The following LYST variants were observed in gnomAD, a reference collection of about 807,000 sequenced individuals.
The protein encoded by LYST is lysosomal-trafficking regulator.
Under a neutral mutation model 413.6 loss-of-function variants are expected in LYST, and 192 were observed. The ratio of observed to expected loss-of-function variants is 0.46; its 90% CI spans 0.41 to 0.52. LYST has a LOEUF of 0.52. Among genes scored for constraint, LYST ranks in the 20% least tolerant of loss-of-function variants. The pLI is 0.00. For synonymous variants in LYST, 1,525 were observed against 1,567.3 expected, an observed-to-expected ratio of 0.97 and a Z score of 0.64; for missense variants, 3,815 against 4,499.9, an observed-to-expected ratio of 0.85 and a Z score of 4.35.
chr1:235,719,469 T>G (rs1237559624), intron 40 of LYST, among the ~76,000 whole-genome samples: 3 of 152,086 alleles, frequency 2.0e-5, no homozygotes, highest in Admixed American at 6.6e-5. Context: ...AGTGAAATAA[T>G]TGATTCAAGC....
intron 19 of LYST, among the ~76,000 whole-genome samples, chr1:235,771,917 G>GTTTTTTTTTTT (rs1215590592): frequency 2.5e-4 from 18 of 72,706 alleles, no homozygotes; most frequent in Non-Finnish European, 2.8e-4. Context: ...TTTTTAGTTT[G>GTTTTTTTTTTT]TTTTTTTTTT....
intron 1 of LYST, among the ~76,000 whole-genome samples, chr1:235,851,402 G>C (rs1678520570): frequency 6.6e-6 from 1 of 150,542 alleles, no homozygotes; most frequent in Admixed American, 6.6e-5. Flanking sequence ...GGACTTGGGG[G>C]GAAGAGTGGG....
rs201694319 is a variant in LYST at position 235,712,144 on chromosome 1, G to A, written c.9838C>T (p.Arg3280Ter). Residue 3280 changes from arginine to a stop codon, truncating the protein, a stop_gained, in exon 43 of 53, where the codon CGA becomes TGA. Transcript: ENST00000389793. LOFTEE classifies it high-confidence loss of function. ...GTCATAGATTCAAAAGATGAGAGTC[G>A]CCAAGTTGTATTTGTAGAATGAAAA... ...RTFHSTNTTWRLSSFESMTDV... is the reference protein window; with the variant it reads ...RTFHSTNTTW The A allele has an allele frequency of 3.8e-6, 6 of 1,579,478 alleles. No individual in the cohort carries two copies. The highest frequency in any genetic ancestry group is 1.3e-5 in the African/African-American group (1 of 74,158).
chr1:235,708,421 G>C (rs1038257997), intron 44 of LYST, among the ~76,000 whole-genome samples: 6 of 152,164 alleles, frequency 3.9e-5, no homozygotes, highest in African/African-American at 1.2e-4. Flanking sequence ...CTCTGGAAAG[G>C]CCTGCTTGCA....
chr1:235,821,758 G>T (rs1473915111), intron 3 of LYST, among the ~76,000 whole-genome samples: 1 of 152,200 alleles, frequency 6.6e-6, no homozygotes, highest in Non-Finnish European at 1.5e-5. Context: ...CTTGTACATT[G>T]TACAAAACAA....
chr1:235,695,380 G>A (rs1485374347), intron 46 of LYST, among the ~76,000 whole-genome samples: 1 of 152,224 alleles, frequency 6.6e-6, no homozygotes, highest in Non-Finnish European at 1.5e-5. Context: ...AGGCCATGGA[G>A]GAAACTGTTC....
At chr1:235,756,593 C>A (rs1439513136) in intron 24 of LYST, among the ~76,000 whole-genome samples, 1 of 152,034 alleles carries the variant, frequency 6.6e-6, no homozygotes, top group Admixed American at 6.6e-5. Flanking sequence ...AAATGAGAAT[C>A]TTTACAAGAT....
chr1:235,737,946 ACCCGCCGGACGTG>A, intron 31 of LYST: 5 of 1,217,082 alleles, frequency 4.1e-6, no homozygotes, highest in South Asian at 6.3e-5. Flanking sequence ...GTGCCCCAAC[ACCCGCCGGACGTG>A]CATTCTCGAT....
chr1:235,756,245 C>A (rs1667040992), intron 24 of LYST, among the ~76,000 whole-genome samples: 1 of 152,086 alleles, frequency 6.6e-6, no homozygotes, highest in Non-Finnish European at 1.5e-5. Context: ...TCCTTTCCCC[C>A]AGACACACAT....
intron 22 of LYST, among the ~76,000 whole-genome samples, chr1:235,762,349 CCT>C (rs1211673272): frequency 6.6e-6 from 1 of 152,030 alleles, no homozygotes; most frequent in Non-Finnish European, 1.5e-5. Flanking sequence ...GAAAAGGTAC[CCT>C]GAGTCAAAAA....
chr1:235,881,431 A>G (rs1055901591), intron 1 of LYST, among the ~76,000 whole-genome samples: 1 of 152,230 alleles, frequency 6.6e-6, no homozygotes, highest in Non-Finnish European at 1.5e-5. Context: ...AGGAAAAATA[A>G]TAGGGGTGTG....
intron 44 of LYST, among the ~76,000 whole-genome samples, chr1:235,707,118 G>T (rs1662050985): frequency 6.6e-6 from 1 of 152,106 alleles, no homozygotes; most frequent in African/African-American, 2.4e-5. Context: ...CTCCTTGAGG[G>T]ATTTCCTTTC....
Position 235,777,161 on chromosome 1 carries a change from G to A in LYST, c.5362C>T (p.His1788Tyr), listed in dbSNP as rs1669352954. The A allele has an allele frequency of 6.2e-7, 1 of 1,613,596 alleles. No homozygotes were observed. The highest frequency in any genetic ancestry group is 8.5e-7 in the Non-Finnish European group (1 of 1,179,656). The change falls in exon 17 of 53, where the codon CAT becomes TAT. Residue 1788 changes from histidine (H) to tyrosine (Y), a missense_variant. Around this residue, in one of 4 missense-constraint regions of LYST, gnomAD observed 530 missense variants for 696.5 expected, o/e 0.76. Coordinates refer to ENST00000389793, the MANE Select transcript of LYST (RefSeq NM_000081.4). ...KEVQSILLEP[H>Y]HLKNLQPTEY... ...GTAGGTTGGAGATTCTTTAGATGAT[G>A]AGGTTCTAATAAGATGCTCTGAACT...
chr1:235,672,790 C>T (rs940127351), intron 50 of LYST, among the ~76,000 whole-genome samples: 4 of 152,170 alleles, frequency 2.6e-5, no homozygotes, highest in Admixed American at 6.5e-5. Flanking sequence ...AGAAAGATAT[C>T]GGCTTATCCC....
At position 235,830,216 on chromosome 1, in the gene LYST, A is replaced by C; in HGVS notation, c.192+10T>G. 2 of 1,593,692 alleles carry C rather than the reference A, an allele frequency of 1.3e-6. No homozygotes were observed. Among genetic ancestry groups the C allele is most frequent in the Non-Finnish European group, 1.7e-6 (2 of 1,161,608 alleles). On this transcript the variant is annotated intron_variant, in intron 3 of 52. Coordinates refer to ENST00000389793, the MANE Select transcript of LYST (RefSeq NM_000081.4). ...TTGATGAAAGTAAGTATTTGATATAAAAATGTTACCTGATCAATTATAGAA... is the reference window on the plus strand; with the variant it reads ...TTGATGAAAGTAAGTATTTGATATACAAATGTTACCTGATCAATTATAGAA...
chr1:235,775,133 AGT>A, intron 17 of LYST, 47 bp from the exon 18 acceptor site: 1 of 1,427,566 alleles, frequency 7.0e-7, no homozygotes, highest in South Asian at 1.1e-5. Flanking sequence ...ATTTGCTGAG[AGT>A]AAAAATTTAA....
intron 40 of LYST, among the ~76,000 whole-genome samples, chr1:235,720,168 T>A (rs1663231167): frequency 9.5e-6 from 1 of 105,268 alleles, no homozygotes; most frequent in African/African-American, 4.2e-5. Context: ...AGTGAGACTC[T>A]GTCTCAAAAA....
chr1:235,802,329 C>T (rs901654010), intron 8 of LYST, among the ~76,000 whole-genome samples: 4 of 151,700 alleles, frequency 2.6e-5, no homozygotes, highest in Admixed American at 1.3e-4. Context: ...ATTTTAAGTC[C>T]AAAGACAAGG....
rs775366482 is a variant in LYST at position 235,664,071 on chromosome 1, A to G, written c.11196-16T>C. The stretch of plus-strand genomic sequence containing the variant: ...GCTCCATAACCTAGAGGGGAAAAAA[A>G]TCATCTAATTATGCAAACTAAAATT... On this transcript the variant is annotated splice_polypyrimidine_tract_variant and intron_variant, in intron 51 of 52. Coordinates refer to ENST00000389793, the MANE Select transcript of LYST (RefSeq NM_000081.4). This position sits in a 1 kb window ranked among gnomAD's most constrained non-coding sequence, Gnocchi z 4.5. 1 of 1,587,906 alleles carries G rather than the reference A, an allele frequency of 6.3e-7. No homozygotes were observed. The highest frequency in any genetic ancestry group is 8.6e-7 in the Non-Finnish European group (1 of 1,156,152).
Sources: gnomAD v4.1 joint callset for allele counts (sites outside exome capture counted in the v4.1 genomes callset) on GRCh38, gnomAD v4.1.1 for gene constraint, gnomAD v4.1.1 regional missense constraint, Gnocchi (gnomAD v3.1) non-coding constraint, MANE v1.5 for transcripts, NCBI Gene and HGNC (gene_info 2026-07-23, HGNC 2026-07-21) for gene names.